CLYBL: variants seen among roughly 807,000 people sequenced by gnomAD.
CLYBL encodes citramalyl-CoA lyase.
Under a neutral mutation model 38.9 loss-of-function variants are expected in CLYBL, and 31 were observed. That is an observed-to-expected ratio of 0.80 (90% confidence interval 0.60 to 1.08). CLYBL has a LOEUF of 1.08. CLYBL is among the 50% of genes least tolerant of loss of function. The pLI, the probability that CLYBL is intolerant of heterozygous loss-of-function variation, is 0.00. For missense variants in CLYBL, 434 were observed against 411.6 expected, an observed-to-expected ratio of 1.05 and a Z score of -0.47; for synonymous variants, 171 against 158.6, an observed-to-expected ratio of 1.08 and a Z score of -0.59.
chr13:99,769,602 A>C (rs1313441079), intron 1 of CLYBL, among the ~76,000 whole-genome samples: 1 of 152,244 alleles, frequency 6.6e-6, no homozygotes, highest in Non-Finnish European at 1.5e-5. Context: ...GATAAACCAG[A>C]TATTTTCAAT....
chr13:99,879,206 A>G (rs559433117), intron 7 of CLYBL, among the ~76,000 whole-genome samples: 2 of 152,352 alleles, frequency 1.3e-5, no homozygotes, highest in South Asian at 2.1e-4. Flanking sequence ...AGTCTTGCCA[A>G]GAACAACACA....
intron 2 of CLYBL, among the ~76,000 whole-genome samples, chr13:99,835,368 G>C (rs777076125): frequency 1.4e-4 from 22 of 152,176 alleles, no homozygotes; most frequent in Non-Finnish European, 2.8e-4. Flanking sequence ...CGTCTGCCCT[G>C]TTGCTCTGAC....
chr13:99,845,656 G>A (rs949231325), intron 2 of CLYBL, among the ~76,000 whole-genome samples: 3 of 152,072 alleles, frequency 2.0e-5, no homozygotes, highest in African/African-American at 7.2e-5. Flanking sequence ...CATGACGCAG[G>A]CTCTGCCACT....
At chr13:99,704,998 T>A (rs772851468) in intron 1 of CLYBL, among the ~76,000 whole-genome samples, 14 of 152,182 alleles carry the variant, frequency 9.2e-5, no homozygotes, top group Admixed American at 3.3e-4. Flanking sequence ...TTTACAACAT[T>A]ATGTTTGCAA....
intron 2 of CLYBL, among the ~76,000 whole-genome samples, chr13:99,824,358 T>G (rs549434660): frequency 1.4e-5 from 2 of 146,660 alleles, no homozygotes; most frequent in African/African-American, 5.1e-5. Flanking sequence ...TACAGAGATA[T>G]GTATTATAGC....
chr13:99,842,969 C>T (rs920853513), intron 2 of CLYBL, among the ~76,000 whole-genome samples: 2 of 152,092 alleles, frequency 1.3e-5, no homozygotes, highest in South Asian at 2.1e-4. Flanking sequence ...TTATTAACCA[C>T]TTACGTTATA....
chr13:99,869,059 G>T lies in CLYBL; in HGVS notation c.803-1879G>T, dbSNP rs1485665911. Among the ~76,000 whole-genome samples the T allele has an allele frequency of 1.3e-5, 2 of 152,060 alleles. No homozygotes were observed. The highest frequency in any genetic ancestry group is 2.9e-5 in the Non-Finnish European group (2 of 68,002). ...CTCTTTTGTATAAAATATTTGCCTGGTTCCCACATGCCATTAAAGTCTGCT... is the reference window on the plus strand; with the variant it reads ...CTCTTTTGTATAAAATATTTGCCTGTTTCCCACATGCCATTAAAGTCTGCT... On this transcript the variant is annotated intron_variant, in intron 6 of 8. Transcript: ENST00000339105. The surrounding 1 kb of genome is among the most constrained non-coding windows in gnomAD (Gnocchi z 4.3).
chr13:99,659,768 A>C (rs1426725267), intron 1 of CLYBL, among the ~76,000 whole-genome samples: 1 of 152,188 alleles, frequency 6.6e-6, no homozygotes, highest in Admixed American at 6.5e-5. Flanking sequence ...AGTAATAGTC[A>C]CCAGAAGCCA....
chr13:99,776,285 A>T (rs924148228), intron 2 of CLYBL, among the ~76,000 whole-genome samples: 1 of 151,814 alleles, frequency 6.6e-6, no homozygotes. Context: ...ACTTGAGGCC[A>T]GTAGTTCAAG....
chr13:99,802,314 G>A (rs534540121), intron 2 of CLYBL, among the ~76,000 whole-genome samples: 3 of 152,110 alleles, frequency 2.0e-5, no homozygotes, highest in Admixed American at 6.5e-5. Flanking sequence ...ATTTGGGGGG[G>A]ATATATTTAG....
chr13:99,625,950 T>A (rs1025511936), intron 1 of CLYBL, among the ~76,000 whole-genome samples: 2 of 152,206 alleles, frequency 1.3e-5, no homozygotes, highest in Non-Finnish European at 2.9e-5. Flanking sequence ...TTTTGCCTGC[T>A]TTCTAAGAAG....
At chr13:99,826,571 T>C (rs896886789) in intron 2 of CLYBL, among the ~76,000 whole-genome samples, 12 of 152,242 alleles carry the variant, frequency 7.9e-5, no homozygotes, top group Non-Finnish European at 1.5e-4. Context: ...CATTTTCTTT[T>C]CACTAGGAAA....
At chr13:99,695,431 A>G (rs1241086842) in intron 1 of CLYBL, among the ~76,000 whole-genome samples, 1 of 152,136 alleles carries the variant, frequency 6.6e-6, no homozygotes, top group African/African-American at 2.4e-5. Context: ...TCAAGCAGAA[A>G]TATGATGAGA....
Position 99,775,295 on chromosome 13 carries a change from G to T in CLYBL, c.249+2285G>T, listed in dbSNP as rs575469644. Among the ~76,000 whole-genome samples the T allele has an allele frequency of 7.2e-5, 11 of 152,212 alleles. 1 individual carries two copies. In the South Asian group the frequency reaches 2.3e-3, roughly 32 times the overall value. ...TTTCCTTATTGTTTATCTGGGTTCCGAAGCCATCCTTATCTCCATAGTAGT... is the reference window on the plus strand; with the variant it reads ...TTTCCTTATTGTTTATCTGGGTTCCTAAGCCATCCTTATCTCCATAGTAGT... On this transcript the variant is annotated intron_variant, in intron 2 of 8. Coordinates refer to ENST00000339105, the MANE Select transcript of CLYBL (RefSeq NM_206808.5).
At chr13:99,776,940 A>G (rs1372713130) in intron 2 of CLYBL, among the ~76,000 whole-genome samples, 1 of 151,666 alleles carries the variant, frequency 6.6e-6, no homozygotes, top group Non-Finnish European at 1.5e-5. Flanking sequence ...CAGTGGTGCG[A>G]TCTCGGCTCA....
intron 9 of CLYBL, among the ~76,000 whole-genome samples, chr13:99,907,716 G>T (rs116970161): frequency 0.011 from 1,708 of 152,178 alleles, 21 homozygotes; most frequent in Non-Finnish European, 0.016. Flanking sequence ...AAATAAAGCT[G>T]GGCATGGTAG....
intron 1 of CLYBL, among the ~76,000 whole-genome samples, chr13:99,631,264 G>A (rs1200694382): frequency 6.6e-6 from 1 of 152,014 alleles, no homozygotes; most frequent in African/African-American, 2.4e-5. Flanking sequence ...AGAAGTTGCA[G>A]TGACCTGAGA....
intron 1 of CLYBL, among the ~76,000 whole-genome samples, chr13:99,717,463 A>AT (rs2048335482): frequency 7.1e-6 from 1 of 140,884 alleles, no homozygotes; most frequent in Non-Finnish European, 1.6e-5. Context: ...AAAAAGAATT[A>AT]TTTTTTATTT....
chr13:99,625,459 A>T (rs527296842), intron 1 of CLYBL, among the ~76,000 whole-genome samples: 2 of 152,340 alleles, frequency 1.3e-5, no homozygotes, highest in South Asian at 4.1e-4. Flanking sequence ...GCATCTTATT[A>T]ATTACTGGTT....
Sources: allele counts gnomAD v4.1 joint callset (sites outside exome capture counted in the v4.1 genomes callset), GRCh38; gene constraint gnomAD v4.1.1; non-coding constraint Gnocchi (gnomAD v3.1); transcripts MANE v1.5; gene names NCBI Gene and HGNC (gene_info 2026-07-23, HGNC 2026-07-21).